CSMD2: variants seen among roughly 807,000 people sequenced by gnomAD.
The protein encoded by CSMD2 is CUB and sushi domain-containing protein 2.
In CSMD2, 130 loss-of-function variants were observed where a neutral mutation model predicts 398.5. The observed-to-expected ratio is 0.33, with a 90% confidence interval of 0.28 to 0.38. CSMD2 has a LOEUF of 0.38. Among genes scored for constraint, CSMD2 ranks in the 10% least tolerant of loss-of-function variants. The pLI, the probability that CSMD2 is intolerant of heterozygous loss-of-function variation, is 1.00. For missense variants in CSMD2, 3,829 were observed against 4,764.9 expected (o/e 0.80, Z 5.78); for synonymous variants, 1,828 against 1,908.5 (o/e 0.96, Z 1.10).
chr1:33,900,023 G>A (rs1488513321), intron 5 of CSMD2, among the ~76,000 whole-genome samples: 8 of 152,190 alleles, frequency 5.3e-5, no homozygotes, highest in African/African-American at 1.7e-4. Context: ...CTGTCTGCAC[G>A]GAGCATATGC....
chr1:33,798,080 C>CT (rs962464361), intron 10 of CSMD2, among the ~76,000 whole-genome samples: 6 of 152,296 alleles, frequency 3.9e-5, no homozygotes, highest in African/African-American at 1.4e-4. Context: ...CTAGCACTCT[C>CT]TTTTTTTCGT....
intron 64 of CSMD2, among the ~76,000 whole-genome samples, chr1:33,531,283 C>T (rs1172588898): frequency 6.6e-6 from 1 of 152,044 alleles, no homozygotes; most frequent in African/African-American, 2.4e-5. Flanking sequence ...ATAAAAAACA[C>T]CACAATGAGA....
chr1:33,948,146 G>A (rs1448948385), intron 3 of CSMD2, among the ~76,000 whole-genome samples: 1 of 152,176 alleles, frequency 6.6e-6, no homozygotes, highest in African/African-American at 2.4e-5. Flanking sequence ...TGAGGATCAG[G>A]AACAGTAGGA....
intron 2 of CSMD2, among the ~76,000 whole-genome samples, chr1:34,054,067 A>G (rs1483817486): frequency 6.6e-6 from 1 of 152,218 alleles, no homozygotes; most frequent in Non-Finnish European, 1.5e-5. Flanking sequence ...CTATTCCTAA[A>G]TGTCAACAGC....
At chr1:33,838,411 T>C (rs938490677) in intron 6 of CSMD2, 4 of 152,226 alleles carry the variant, frequency 2.6e-5, no homozygotes, top group African/African-American at 9.6e-5. Context: ...AAAACTGAAA[T>C]CTGACCTTGC....
chr1:33,814,608 C>T (rs1278114406), intron 9 of CSMD2, among the ~76,000 whole-genome samples: 2 of 152,176 alleles, frequency 1.3e-5, no homozygotes, highest in Non-Finnish European at 1.5e-5. Flanking sequence ...ATTCCTTTTT[C>T]CCTCCTGTTT....
chr1:33,533,977 A>G lies in CSMD2; in HGVS notation c.9880-70T>C, dbSNP rs1570643889. ...TGCTTCCTACGTCTGTCCCTTGACC[A>G]CTTTCACATGGCCCAACTCCTCCCG... On this transcript the variant is annotated intron_variant, in intron 62 of 70. Transcript: ENST00000373381. The surrounding 1 kb of genome is among the most constrained non-coding windows in gnomAD (Gnocchi z 4.2). 5 of 915,886 alleles carry G rather than the reference A, an allele frequency of 5.5e-6. No individual in the cohort carries two copies. In the East Asian group the frequency reaches 1.3e-4, roughly 23 times the overall value. 56.7% of individuals were successfully genotyped at this position (915,886 alleles called of 1,614,324 possible).
intron 13 of CSMD2, among the ~76,000 whole-genome samples, chr1:33,757,959 G>A (rs561085515): frequency 6.6e-6 from 1 of 151,964 alleles, no homozygotes; most frequent in Non-Finnish European, 1.5e-5. Context: ...CCTCCATATC[G>A]GCTCCAGGGT....
At chr1:33,527,377 C>T (rs1654870649) in intron 64 of CSMD2, 119 bp from the exon 65 acceptor site, 3 of 749,286 alleles carry the variant, frequency 4.0e-6, no homozygotes. Flanking sequence ...TTGCTTTCCC[C>T]TTATTTTTTT....
At position 33,605,399 on chromosome 1, in the gene CSMD2, C is replaced by T. The variant is rs146868619; in HGVS notation, c.6415G>A (p.Val2139Met). 9.3e-6 allele frequency: 15 copies of T among 1,614,210 alleles called. No homozygotes were observed. The highest frequency in any genetic ancestry group is 4.5e-5 in the East Asian group (2 of 44,870). ...CACTCGAAGGTCACTGATTGTCCCA[C>T]GTTGTAGCCAGCTCCCCTCACAATG... ...NGIVRGAGYN[V>M]GQSVTFECLP... The change falls in exon 42 of 71, where the codon GTG becomes ATG. Residue 2139 changes from valine (V) to methionine (M), a missense_variant. Val to Met is a conservative substitution (Grantham distance 21). Around this residue, in one of 5 missense-constraint regions of CSMD2, gnomAD observed 2,001 missense variants for 2,567.1 expected, o/e 0.78. Coordinates refer to ENST00000373381, the MANE Select transcript of CSMD2 (RefSeq NM_001281956.2).
Position 33,624,080 on chromosome 1 carries a change from C to T in CSMD2, c.5625+439G>A, listed in dbSNP as rs774758809. 2.0e-5 allele frequency among the ~76,000 whole-genome samples: 3 copies of T among 152,202 alleles called. No individual in the cohort carries two copies. The highest frequency in any genetic ancestry group is 4.4e-5 in the Non-Finnish European group (3 of 68,036). On this transcript the variant is annotated intron_variant, in intron 35 of 70. Coordinates refer to ENST00000373381, the MANE Select transcript of CSMD2 (RefSeq NM_001281956.2). The surrounding 1 kb of genome is among the most constrained non-coding windows in gnomAD (Gnocchi z 4.7). ...TGCTTCAGCTGTGCTGGGTGCTTTGCTCTTTCTTCTCATTAGCACTGCCTC... is the reference window on the plus strand; with the variant it reads ...TGCTTCAGCTGTGCTGGGTGCTTTGTTCTTTCTTCTCATTAGCACTGCCTC...
intron 5 of CSMD2, among the ~76,000 whole-genome samples, chr1:33,888,649 GAATA>G (rs549482159): frequency 5.9e-4 from 90 of 152,256 alleles, no homozygotes; most frequent in African/African-American, 2.0e-3. Flanking sequence ...GAGAGTTCCA[GAATA>G]AATAGAGAAG....
At chr1:34,034,735 C>G (rs1293074983) in intron 2 of CSMD2, among the ~76,000 whole-genome samples, 3 of 151,978 alleles carry the variant, frequency 2.0e-5, no homozygotes, top group African/African-American at 4.8e-5. Context: ...AACATAAAAC[C>G]CCAGAGGCCT....
chr1:33,877,922 T>C (rs1269809262), intron 5 of CSMD2, among the ~76,000 whole-genome samples: 1 of 151,990 alleles, frequency 6.6e-6, no homozygotes, highest in East Asian at 1.9e-4. Context: ...CTGCAGCTGA[T>C]TGGACAAGGA....
intron 67 of CSMD2, among the ~76,000 whole-genome samples, chr1:33,522,280 C>T (rs1286909131): frequency 1.3e-5 from 2 of 152,188 alleles, no homozygotes; most frequent in African/African-American, 2.4e-5. Flanking sequence ...TCAAAAGGCT[C>T]GACGCTTGTC....
At chr1:33,571,849 G>T in intron 50 of CSMD2, 123 bp from the exon 51 acceptor site, 1 of 709,964 alleles carries the variant, frequency 1.4e-6, no homozygotes, top group Non-Finnish European at 2.0e-6. Flanking sequence ...GGAATCTTCA[G>T]TTCTCAGGCA....
At chr1:33,774,408 G>A (rs1442766077) in intron 12 of CSMD2, among the ~76,000 whole-genome samples, 2 of 152,106 alleles carry the variant, frequency 1.3e-5, no homozygotes, top group African/African-American at 2.4e-5. Context: ...CTTTGCTACA[G>A]GTCCCAGAGC....
At chr1:33,979,371 T>C (rs1646083736) in intron 3 of CSMD2, among the ~76,000 whole-genome samples, 1 of 139,970 alleles carries the variant, frequency 7.1e-6, no homozygotes, top group Admixed American at 6.9e-5. Context: ...ATCTTTGAAT[T>C]AATGGGACAG....
intron 6 of CSMD2, among the ~76,000 whole-genome samples, chr1:33,829,054 A>G (rs976379133): frequency 2.0e-4 from 31 of 152,344 alleles, no homozygotes; most frequent in African/African-American, 7.2e-4. Context: ...TTATATCACC[A>G]GTGTTGCCTG....
Sources: gnomAD v4.1 joint callset for allele counts (sites outside exome capture counted in the v4.1 genomes callset) on GRCh38, gnomAD v4.1.1 for gene constraint, gnomAD v4.1.1 regional missense constraint, Gnocchi (gnomAD v3.1) non-coding constraint, MANE v1.5 for transcripts, NCBI Gene and HGNC (gene_info 2026-07-23, HGNC 2026-07-21) for gene names.